The following CALN1 variants were observed in gnomAD, a reference collection of about 807,000 sequenced individuals.
The protein encoded by CALN1 is calcium-binding protein 8.
A neutral mutation model predicts 30.6 loss-of-function variants in CALN1; 17 were observed. That is an observed-to-expected ratio of 0.56 (90% confidence interval 0.38 to 0.83). The LOEUF is 0.83. Among genes scored for constraint, CALN1 ranks in the 40% least tolerant of loss-of-function variants. CALN1 has a pLI of 0.00. For synonymous variants in CALN1, 156 were observed against 131.4 expected, an observed-to-expected ratio of 1.19 and a Z score of -1.28; for missense variants, 291 against 354.9, an observed-to-expected ratio of 0.82 and a Z score of 1.45.
At chr7:71,907,239 AACACACACACACAC>A (rs71531773) in intron 5 of CALN1, among the ~76,000 whole-genome samples, 1 of 147,742 alleles carries the variant, frequency 6.8e-6, no homozygotes, top group Non-Finnish European at 1.5e-5. Flanking sequence ...ATGAGGTTTA[AACACACACACACAC>A]ACACACACAC....
At chr7:72,065,169 T>G (rs1172815819) in intron 4 of CALN1, among the ~76,000 whole-genome samples, 2 of 148,696 alleles carry the variant, frequency 1.3e-5, no homozygotes, top group Non-Finnish European at 3.0e-5. Context: ...AATATTAATA[T>G]TTTAATGACC....
At chr7:72,357,698 T>C (rs2944806) in intron 2 of CALN1, among the ~76,000 whole-genome samples, 10,953 of 151,726 alleles carry the variant, frequency 0.072, 624 homozygotes, top group Non-Finnish European at 0.11. Flanking sequence ...GCCTAATCAA[T>C]AGGCAAAATT....
intron 4 of CALN1, among the ~76,000 whole-genome samples, chr7:72,051,338 A>C (rs977379876): frequency 2.0e-5 from 3 of 152,130 alleles, no homozygotes; most frequent in Non-Finnish European, 4.4e-5. Context: ...ACTTTGTATA[A>C]CCAAAAGCTA....
intron 3 of CALN1, among the ~76,000 whole-genome samples, chr7:72,142,042 T>C (rs1312753571): frequency 2.6e-5 from 4 of 152,098 alleles, no homozygotes; most frequent in Admixed American, 1.3e-4. Flanking sequence ...GCTCCCAGCG[T>C]GAGCGACGCA....
At chr7:72,023,895 C>A (rs1800880730) in intron 4 of CALN1, 126 bp from the exon 5 acceptor site, 1 of 607,766 alleles carries the variant, frequency 1.6e-6, no homozygotes, top group African/African-American at 1.8e-5. Flanking sequence ...GAGCTGGTAA[C>A]ATTACTTAAA....
intron 3 of CALN1, among the ~76,000 whole-genome samples, chr7:72,148,697 G>A (rs1452487941): frequency 6.6e-6 from 1 of 151,984 alleles, no homozygotes; most frequent in African/African-American, 2.4e-5. Context: ...CTGAGGTCAG[G>A]TGTTCGAGAC....
At position 72,365,089 on chromosome 7, in the gene CALN1, G is replaced by A. The variant is rs187623508; in HGVS notation, c.119+38162C>T. Among the ~76,000 whole-genome samples the A allele has an allele frequency of 6.9e-3, 1,046 of 152,262 alleles. 13 individuals are homozygous for A. Among genetic ancestry groups the A allele is most frequent in the African/African-American group, 0.024 (1,003 of 41,548 alleles). On this transcript the variant is annotated intron_variant, in intron 2 of 6. Coordinates refer to ENST00000395275, the MANE Select transcript of CALN1 (RefSeq NM_031468.4). ...GGAGGCCAAGGCAGGTGGATCACCT[G>A]AGGTCAGGAGTTCGAGATCAGCCTG...
intron 2 of CALN1, among the ~76,000 whole-genome samples, chr7:72,397,255 G>A (rs756851490): frequency 1.3e-5 from 2 of 152,144 alleles, no homozygotes; most frequent in East Asian, 3.9e-4. Flanking sequence ...TGAAGCAGAA[G>A]TAACAATAGA....
At chr7:71,814,488 G>T (rs1489053130) in intron 5 of CALN1, among the ~76,000 whole-genome samples, 2 of 152,114 alleles carry the variant, frequency 1.3e-5, no homozygotes, top group African/African-American at 4.8e-5. Context: ...AGAGGGAAAT[G>T]AATATTGATG....
intron 3 of CALN1, among the ~76,000 whole-genome samples, chr7:72,110,269 G>A (rs1282523233): frequency 1.3e-5 from 2 of 152,174 alleles, no homozygotes; most frequent in African/African-American, 2.4e-5. Context: ...ACATGGCCTG[G>A]AAATGAGGAC....
chr7:72,366,901 C>T (rs139550092), intron 2 of CALN1, among the ~76,000 whole-genome samples: 2 of 151,806 alleles, frequency 1.3e-5, no homozygotes, highest in Admixed American at 6.6e-5. Flanking sequence ...TCGAGAATAG[C>T]CCCAAGCTGG....
intron 3 of CALN1, among the ~76,000 whole-genome samples, chr7:72,254,193 G>T (rs970855565): frequency 6.6e-6 from 1 of 152,128 alleles, no homozygotes; most frequent in Non-Finnish European, 1.5e-5. Context: ...TGTCTCTCTT[G>T]TGTAGTGCAC....
chr7:72,073,807 C>T (rs1804558030), intron 4 of CALN1, among the ~76,000 whole-genome samples: 1 of 152,096 alleles, frequency 6.6e-6, no homozygotes, highest in African/African-American at 2.4e-5. Flanking sequence ...GATCCTGTCA[C>T]CTCAACCTCC....
intron 2 of CALN1, among the ~76,000 whole-genome samples, chr7:72,286,021 C>G (rs1222619567): frequency 6.6e-6 from 1 of 152,196 alleles, no homozygotes; most frequent in African/African-American, 2.4e-5. Flanking sequence ...TTCTCAACAC[C>G]ACCAATGCCA....
intron 3 of CALN1, among the ~76,000 whole-genome samples, chr7:72,270,951 G>A (rs976874222): frequency 2.0e-5 from 3 of 152,154 alleles, no homozygotes; most frequent in Non-Finnish European, 2.9e-5. Flanking sequence ...TTGACCCAAG[G>A]CAATACCAAT....
chr7:72,105,770 AG>A (rs1346025989), intron 4 of CALN1, among the ~76,000 whole-genome samples: 4 of 110,040 alleles, frequency 3.6e-5, no homozygotes, highest in East Asian at 4.2e-4. Flanking sequence ...AGGAAGAAGA[AG>A]GAGGAGGAGG....
chr7:72,280,244 C>G (rs1043213266), intron 2 of CALN1, among the ~76,000 whole-genome samples: 1 of 152,184 alleles, frequency 6.6e-6, no homozygotes, highest in Admixed American at 6.5e-5. Context: ...TGGGACAACT[C>G]TCCCAAATGC....
intron 2 of CALN1, among the ~76,000 whole-genome samples, chr7:72,370,490 T>C (rs1192850754): frequency 6.6e-6 from 1 of 151,682 alleles, no homozygotes; most frequent in Non-Finnish European, 1.5e-5. Context: ...CCGTCTCTAA[T>C]AAAAACACAA....
At chr7:72,029,075 A>G (rs1801272283) in intron 4 of CALN1, among the ~76,000 whole-genome samples, 1 of 152,218 alleles carries the variant, frequency 6.6e-6, no homozygotes, top group Non-Finnish European at 1.5e-5. Context: ...TAAAACACTG[A>G]TAATTCCCTA....
Sources: gnomAD v4.1 joint callset for allele counts (sites outside exome capture counted in the v4.1 genomes callset) on GRCh38, gnomAD v4.1.1 for gene constraint, MANE v1.5 for transcripts, NCBI Gene and HGNC (gene_info 2026-07-23, HGNC 2026-07-21) for gene names.